Variants in ANAPC10 observed in about 807,000 individuals in gnomAD.
The protein encoded by ANAPC10 is anaphase promoting complex subunit 10.
In ANAPC10, 12 loss-of-function variants were observed where a neutral mutation model predicts 22.0. That is an observed-to-expected ratio of 0.55 (90% CI 0.35 to 0.88). The LOEUF (loss-of-function observed/expected upper bound fraction) is 0.88, where lower values mean the gene tolerates loss of function less well. Among genes scored for constraint, ANAPC10 ranks in the 40% least tolerant of loss-of-function variants. The pLI is 0.01. For missense variants in ANAPC10, 188 were observed against 220.9 expected, an observed-to-expected ratio of 0.85 and a Z score of 0.94; for synonymous variants, 65 against 69.5, an observed-to-expected ratio of 0.94 and a Z score of 0.32.
chr4:145,009,070 G>A (rs944782630), intron 4 of ANAPC10, among the ~76,000 whole-genome samples: 1 of 152,038 alleles, frequency 6.6e-6, no homozygotes, highest in Non-Finnish European at 1.5e-5. Flanking sequence ...AATCATGAGT[G>A]AACTCCCATT....
chr4:145,026,945 A>ATATATATATATATATATATGTGTG lies in ANAPC10; in HGVS notation c.328-31343_328-31342insCACACATATATATATATATATATA, dbSNP rs1287102797. Among the ~76,000 whole-genome samples the ATATATATATATATATATATGTGTG allele has an allele frequency of 1.3e-3, 23 of 17,130 alleles. 1 individual carries two copies. Among genetic ancestry groups the ATATATATATATATATATATGTGTG allele is most frequent in the Non-Finnish European group, 2.6e-3 (22 of 8,436 alleles). 11.2% of individuals were successfully genotyped at this position (17,130 alleles called of 152,430 possible). Reference sequence around the variant, plus strand: ...CATATATATATATATATATATATATATGTGTGTGTGTGTATATATATATAT... The same window carrying ATATATATATATATATATATGTGTG: ...CATATATATATATATATATATATATATATATATATATATATATATGTGTGTGTGTGTGTGTGTATATATATATAT... On this transcript the variant is annotated intron_variant, in intron 4 of 4. Coordinates refer to ENST00000507656, the MANE Select transcript of ANAPC10 (RefSeq NM_001256706.2).
At chr4:145,054,606 TGTGTGTG>T (rs1741674928) in intron 4 of ANAPC10, among the ~76,000 whole-genome samples, 1 of 19,876 alleles carries the variant, frequency 5.0e-5, no homozygotes, top group South Asian at 2.3e-3. Context: ...TACTGAATAG[TGTGTGTG>T]TGTGTGTGTG....
intron 3 of ANAPC10, among the ~76,000 whole-genome samples, chr4:145,069,432 A>C (rs972272270): frequency 2.0e-5 from 3 of 152,226 alleles, no homozygotes; most frequent in African/African-American, 7.2e-5. Context: ...AAACTTCACA[A>C]GGATAGGCAA....
intron 4 of ANAPC10, among the ~76,000 whole-genome samples, chr4:145,045,898 A>T (rs1056835557): frequency 6.6e-6 from 1 of 152,128 alleles, no homozygotes; most frequent in African/African-American, 2.4e-5. Context: ...TTCATACTGT[A>T]ATTTTAAAAA....
chr4:145,035,745 A>G (rs1457237780), intron 4 of ANAPC10, among the ~76,000 whole-genome samples: 2 of 152,170 alleles, frequency 1.3e-5, no homozygotes, highest in African/African-American at 4.8e-5. Context: ...TTCCTGCCCT[A>G]TGGACTTCAC....
intron 3 of ANAPC10, among the ~76,000 whole-genome samples, chr4:145,077,699 G>A (rs948877784): frequency 7.2e-5 from 11 of 152,070 alleles, no homozygotes; most frequent in African/African-American, 1.4e-4. Flanking sequence ...TTTATTCCTC[G>A]GATGTAAGAT....
At position 145,076,942 on chromosome 4, in the gene ANAPC10, G is replaced by A. The variant is rs188800916; in HGVS notation, c.206+4718C>T. Among the ~76,000 whole-genome samples, 30 of 152,328 alleles carry A rather than the reference G, an allele frequency of 2.0e-4. No homozygotes were observed. In the East Asian group the frequency reaches 5.6e-3, roughly 28 times the overall value. On this transcript the variant is annotated intron_variant, in intron 3 of 4. Transcript: ENST00000507656. ...TTGCCAGGCGTGGTGGCTCACACCTGTAATCCCAGCACTTTGGGAGGCCAA... is the reference window on the plus strand; with the variant it reads ...TTGCCAGGCGTGGTGGCTCACACCTATAATCCCAGCACTTTGGGAGGCCAA...
At chr4:145,022,746 C>T (rs1417271121) in intron 4 of ANAPC10, among the ~76,000 whole-genome samples, 6 of 147,814 alleles carry the variant, frequency 4.1e-5, no homozygotes, top group Non-Finnish European at 7.4e-5. Flanking sequence ...ATACCTAACA[C>T]TGGAATTGTT....
chr4:145,092,485 G>A (rs1747823766), intron 2 of ANAPC10, among the ~76,000 whole-genome samples: 2 of 152,140 alleles, frequency 1.3e-5, no homozygotes, highest in African/African-American at 4.8e-5. Flanking sequence ...AGCATAGGAG[G>A]AAGGAACAAG....
At chr4:145,026,806 T>C (rs1163607471) in intron 4 of ANAPC10, among the ~76,000 whole-genome samples, 2 of 149,984 alleles carry the variant, frequency 1.3e-5, no homozygotes, top group African/African-American at 2.5e-5. Context: ...TCCTCAGTGA[T>C]ATAACATATT....
chr4:145,026,985 A>T (rs1335867573), intron 4 of ANAPC10, among the ~76,000 whole-genome samples: 4 of 31,622 alleles, frequency 1.3e-4, no homozygotes, highest in African/African-American at 2.7e-4. Context: ...ATATATATAT[A>T]TATTTTTTTT....
rs139542506 is a variant in ANAPC10, at chr4:145,008,409, C to T, written c.328-12806G>A. Among the ~76,000 whole-genome samples the T allele has an allele frequency of 4.1e-3, 618 of 152,266 alleles. 8 individuals are homozygous for T. Among genetic ancestry groups the T allele is most frequent in the African/African-American group, 0.014 (572 of 41,558 alleles). ...AAAAGAGAATTTTAGACCAATATCC[C>T]TGATGAACATCGGTGCAAAAATCAT... On this transcript the variant is annotated intron_variant, in intron 4 of 4. Coordinates refer to ENST00000507656, the MANE Select transcript of ANAPC10 (RefSeq NM_001256706.2).
chr4:145,092,720 C>A (rs1161057797), intron 2 of ANAPC10, among the ~76,000 whole-genome samples: 2 of 152,120 alleles, frequency 1.3e-5, no homozygotes, highest in African/African-American at 4.8e-5. Flanking sequence ...GAGGAGGGGA[C>A]TGACCACCAG....
chr4:145,081,623 C>G (rs1451093907), intron 3 of ANAPC10, 37 bp downstream of exon 3: 1 of 1,315,704 alleles, frequency 7.6e-7, no homozygotes, highest in Admixed American at 1.8e-5. Flanking sequence ...TGTCTATAAC[C>G]TACAGTAGAT....
chr4:145,070,895 G>A (rs929187934), intron 3 of ANAPC10, among the ~76,000 whole-genome samples: 1 of 152,076 alleles, frequency 6.6e-6, no homozygotes, highest in Non-Finnish European at 1.5e-5. Flanking sequence ...AGACACCAAA[G>A]GACAAATATT....
chr4:145,045,935 A>G (rs1740233634), intron 4 of ANAPC10, among the ~76,000 whole-genome samples: 1 of 152,126 alleles, frequency 6.6e-6, no homozygotes, highest in Admixed American at 6.6e-5. Flanking sequence ...AGCCAACTTA[A>G]CATATGTTCT....
At chr4:145,054,634 T>C (rs1254817352) in intron 4 of ANAPC10, among the ~76,000 whole-genome samples, 13 of 101,414 alleles carry the variant, frequency 1.3e-4, no homozygotes, top group Non-Finnish European at 1.7e-4. Context: ...TGTGTGTGTG[T>C]GTGTGTGCGC....
chr4:145,038,154 T>G (rs1738892793), intron 4 of ANAPC10, among the ~76,000 whole-genome samples: 1 of 151,848 alleles, frequency 6.6e-6, no homozygotes, highest in African/African-American at 2.4e-5. Flanking sequence ...GGCAACATAG[T>G]GAGACCCTAT....
chr4:145,049,461 T>C (rs1579033631), intron 4 of ANAPC10, among the ~76,000 whole-genome samples: 1 of 152,218 alleles, frequency 6.6e-6, no homozygotes, highest in South Asian at 2.1e-4. Flanking sequence ...ATTTCAAGAA[T>C]GTTCACAGCA....
Sources: gnomAD v4.1 joint callset for allele counts (sites outside exome capture counted in the v4.1 genomes callset) on GRCh38, gnomAD v4.1.1 for gene constraint, MANE v1.5 for transcripts, NCBI Gene and HGNC (gene_info 2026-07-23, HGNC 2026-07-21) for gene names.